The following AFF2 variants were observed in gnomAD, a reference collection of about 807,000 sequenced individuals.
The protein encoded by AFF2 is AF4/FMR2 family member 2.
In AFF2, 14 loss-of-function variants were observed where a neutral mutation model predicts 76.9. The observed-to-expected ratio is 0.18, with a 90% CI of 0.12 to 0.28. AFF2 has a LOEUF of 0.28. AFF2 is among the 10% of genes least tolerant of loss of function. The pLI is 1.00. For synonymous variants in AFF2, 398 were observed against 366.7 expected (o/e 1.09, Z -0.98); for missense variants, 868 against 1,001.1 (o/e 0.87, Z 1.79).
intron 1 of AFF2, among the ~76,000 whole-genome samples, chrX:148,514,411 A>G (rs2052514423): frequency 8.9e-6 from 1 of 112,628 alleles, no homozygotes; most frequent in Non-Finnish European, 1.9e-5. Context: ...GTGGTCAGTC[A>G]TGAAATGTGT....
At chrX:148,835,367 ATTATT>A (rs2070508406) in intron 4 of AFF2, among the ~76,000 whole-genome samples, 1 of 111,602 alleles carries the variant, frequency 9.0e-6, no homozygotes, top group South Asian at 3.7e-4. Context: ...TGAGAAAAAA[ATTATT>A]TTAATTGACA....
intron 7 of AFF2, among the ~76,000 whole-genome samples, chrX:148,843,847 G>T (rs1213090058): frequency 1.8e-5 from 2 of 110,768 alleles, no homozygotes; most frequent in African/African-American, 6.6e-5. Context: ...ATTCATGAGG[G>T]CTCAACTCTC....
intron 1 of AFF2, among the ~76,000 whole-genome samples, chrX:148,604,980 T>C (rs1193639878): frequency 9.0e-6 from 1 of 111,580 alleles, no homozygotes; most frequent in East Asian, 2.8e-4. Flanking sequence ...TAGAGAAAAA[T>C]AAGTTTTCAA....
chrX:148,631,436 C>A (rs2053980343), intron 1 of AFF2, among the ~76,000 whole-genome samples: 1 of 110,875 alleles, frequency 9.0e-6, no homozygotes, highest in Non-Finnish European at 1.9e-5. Context: ...CGCAACCTGA[C>A]TGATTGAACT....
intron 1 of AFF2, among the ~76,000 whole-genome samples, chrX:148,565,655 T>C (rs1443445478): frequency 9.0e-6 from 1 of 111,294 alleles, no homozygotes; most frequent in Non-Finnish European, 1.9e-5. Context: ...TGCTCATAGG[T>C]TTATGGCCCT....
intron 9 of AFF2, among the ~76,000 whole-genome samples, chrX:148,919,863 A>C (rs2071573697): frequency 8.9e-6 from 1 of 112,386 alleles, no homozygotes; most frequent in Non-Finnish European, 1.9e-5. Context: ...TCATTGTGCC[A>C]TTTGCACAGA....
rs186378491 is a variant in AFF2, at chrX:148,531,727, T to C, written c.47+30583T>C. 6.8e-3 allele frequency among the ~76,000 whole-genome samples: 763 copies of C among 112,341 alleles called. 5 individuals are homozygous for C. The highest frequency in any genetic ancestry group is 0.012 in the Non-Finnish European group (614 of 53,238). ...AATGTATACAGCATCTATCTGTCTA[T>C]ATGTTAAGTTGGAAGTATTTGTATT... On this transcript the variant is annotated intron_variant, in intron 1 of 20. Coordinates refer to ENST00000370460, the MANE Select transcript of AFF2 (RefSeq NM_002025.4).
chrX:148,539,511 T>C (rs1486459628), intron 1 of AFF2, among the ~76,000 whole-genome samples: 1 of 111,188 alleles, frequency 9.0e-6, no homozygotes, highest in African/African-American at 3.3e-5. Context: ...TAGCTATTTA[T>C]TATTTTTATG....
intron 1 of AFF2, among the ~76,000 whole-genome samples, chrX:148,614,777 T>C (rs922957736): frequency 1.3e-3 from 105 of 81,813 alleles, no homozygotes; most frequent in African/African-American, 4.2e-3. Flanking sequence ...TTTCTTTCTT[T>C]CTTTCTTTCT....
chrX:148,547,750 C>T lies in AFF2; in HGVS notation c.47+46606C>T, dbSNP rs782315585. 2.7e-5 allele frequency among the ~76,000 whole-genome samples: 3 copies of T among 111,851 alleles called. No individual in the cohort carries two copies. The Admixed American group carries it at 2.8e-4, about 11-fold the overall frequency. Reference sequence around the variant, plus strand: ...TTAGTTGCCGTGACCTAGGTCTGTCCAAAGGCCCCTGTACAATTCAGAAGC... The same window carrying T: ...TTAGTTGCCGTGACCTAGGTCTGTCTAAAGGCCCCTGTACAATTCAGAAGC... On this transcript the variant is annotated intron_variant, in intron 1 of 20. Transcript: ENST00000370460.
intron 19 of AFF2, among the ~76,000 whole-genome samples, chrX:148,981,468 G>A (rs2072391509): frequency 9.0e-6 from 1 of 111,015 alleles, no homozygotes; most frequent in Non-Finnish European, 1.9e-5. Flanking sequence ...ATCTGGGCTT[G>A]TTCTTTATCG....
chrX:148,696,585 A>G (rs1022529430), intron 3 of AFF2, among the ~76,000 whole-genome samples: 14 of 111,982 alleles, frequency 1.3e-4, no homozygotes, highest in African/African-American at 4.2e-4. Flanking sequence ...AAATTTTCTT[A>G]TTCTTCTGTA....
At chrX:148,606,081 C>T (rs1463868841) in intron 1 of AFF2, among the ~76,000 whole-genome samples, 1 of 112,635 alleles carries the variant, frequency 8.9e-6, no homozygotes, top group Non-Finnish European at 1.9e-5. Context: ...TACAATATTA[C>T]TTCTGTGATA....
intron 9 of AFF2, among the ~76,000 whole-genome samples, chrX:148,904,609 G>A (rs1329204814): frequency 8.9e-6 from 1 of 112,316 alleles, no homozygotes; most frequent in Non-Finnish European, 1.9e-5. Context: ...TGCAAACCTT[G>A]GACCTATGAC....
chrX:148,700,655 C>G (rs143923636), intron 3 of AFF2, among the ~76,000 whole-genome samples: 34 of 110,787 alleles, frequency 3.1e-4, no homozygotes, highest in African/African-American at 1.1e-3. Flanking sequence ...TGGAATATAA[C>G]TACAGAAAAG....
At chrX:148,799,280 G>A (rs1437014453) in intron 3 of AFF2, among the ~76,000 whole-genome samples, 1 of 111,506 alleles carries the variant, frequency 9.0e-6, no homozygotes, top group Non-Finnish European at 1.9e-5. Context: ...TAAGGGCCAC[G>A]GTTGCAAATC....
chrX:148,847,536 T>G (rs782219331), intron 7 of AFF2, among the ~76,000 whole-genome samples: 1 of 111,559 alleles, frequency 9.0e-6, no homozygotes, highest in African/African-American at 3.3e-5. Flanking sequence ...ATAATGTTGG[T>G]TTTTTTTAAT....
Position 148,923,699 on chromosome X carries a change from G to A in AFF2, c.1397+19441G>A, listed in dbSNP as rs782628507. Among the ~76,000 whole-genome samples the A allele has an allele frequency of 2.7e-5, 3 of 111,792 alleles. No individual in the cohort carries two copies. In the East Asian group the frequency reaches 8.5e-4, roughly 32 times the overall value. ...AATAGAAAAATACTTCGACTTCTAA[G>A]AAAACACTCAATTGTTTGCTTTGTA... On this transcript the variant is annotated intron_variant, in intron 9 of 20. Transcript: ENST00000370460.
intron 1 of AFF2, among the ~76,000 whole-genome samples, chrX:148,607,527 C>T (rs1408246459): frequency 9.0e-6 from 1 of 111,555 alleles, no homozygotes; most frequent in East Asian, 2.8e-4. Context: ...TATGAGGCCT[C>T]CCCAGCCATG....
Sources: allele counts gnomAD v4.1 joint callset (sites outside exome capture counted in the v4.1 genomes callset), GRCh38; gene constraint gnomAD v4.1.1; transcripts MANE v1.5; gene names NCBI Gene and HGNC (gene_info 2026-07-23, HGNC 2026-07-21).